The following RUFY4 variants were observed in gnomAD, a reference collection of about 807,000 sequenced individuals.
RUFY4 encodes the protein RUN and FYVE domain-containing protein 4.
A neutral mutation model predicts 69.0 loss-of-function variants in RUFY4; 73 were observed. That is an observed-to-expected ratio of 1.06 (90% CI 0.88 to 1.29). The LOEUF is 1.29. Among genes scored for constraint, RUFY4 ranks in the 50% most tolerant of loss-of-function variants. The pLI is 0.00. For synonymous variants in RUFY4, 287 were observed against 271.8 expected (o/e 1.06, Z -0.55); for missense variants, 770 against 705.6 (o/e 1.09, Z -1.03).
Position 218,072,894 on chromosome 2 carries a change from G to C in RUFY4, c.386+9G>C, listed in dbSNP as rs745905922. 3.0e-5 allele frequency: 45 copies of C among 1,513,040 alleles called. No homozygotes were observed. The East Asian group carries it at 1.1e-3, about 35-fold the overall frequency. The allele number at this position is 1,513,040 out of a possible 1,614,324, so 93.7% of individuals were successfully genotyped here. A position where few individuals can be genotyped will look rare whatever the true frequency, so the allele number is the denominator to read the frequency against. On this transcript the variant is annotated intron_variant, in intron 4 of 10. Coordinates refer to ENST00000344321, the Ensembl canonical transcript of RUFY4. Reference sequence around the variant, plus strand: ...AACTCAGAGCTCACCAGGTGGGGCTGTTGGGACATCCTCCTGCCGATGCCA... The same window carrying C: ...AACTCAGAGCTCACCAGGTGGGGCTCTTGGGACATCCTCCTGCCGATGCCA...
upstream of RUFY4, chr2:218,069,035 C>A (rs909049822): frequency 6.6e-6 from 1 of 152,428 alleles, no homozygotes; most frequent in Non-Finnish European, 1.5e-5. Flanking sequence ...TAGCAGCAGT[C>A]CCAGCTACCA....
At chr2:218,045,797 G>A (rs1574493289) in intron 2 of RUFY4, among the ~76,000 whole-genome samples, 1 of 139,544 alleles carries the variant, frequency 7.2e-6, no homozygotes, top group East Asian at 2.0e-4. Context: ...ATATTTATGG[G>A]GTACATAGTG....
intron 2 of RUFY4, 37 bp from the exon 5 acceptor site, chr2:218,072,337 G>A (rs1399986703): frequency 6.5e-7 from 1 of 1,534,602 alleles, no homozygotes; most frequent in South Asian, 1.2e-5. Context: ...CTGGGAGGAA[G>A]CATTTCTACA....
At chr2:218,061,245 A>T (rs1689183436) in intron 3 of RUFY4, 1 of 368,408 alleles carries the variant, frequency 2.7e-6, no homozygotes, top group Non-Finnish European at 5.5e-6. Context: ...CAGTAGAAAC[A>T]TCAGGGCATA....
chr2:218,075,005 A>G (rs1689588523), intron 6 of RUFY4, 88 bp from the exon 9 acceptor site: 1 of 1,351,420 alleles, frequency 7.4e-7, no homozygotes, highest in Non-Finnish European at 9.9e-7. Context: ...TAGCAAGCTG[A>G]TTAGATTAGC....
At chr2:218,089,443 G>T (rs1214945977) in intron 10 of RUFY4, 81 bp downstream of exon 12, 1 of 1,204,136 alleles carries the variant, frequency 8.3e-7, no homozygotes, top group East Asian at 2.4e-5. Flanking sequence ...CCCAGGGAAG[G>T]GAGGGACACA....
At chr2:218,047,142 A>T (rs10183449) in intron 2 of RUFY4, among the ~76,000 whole-genome samples, 1 of 151,916 alleles carries the variant, frequency 6.6e-6, no homozygotes, top group Admixed American at 6.5e-5. Context: ...AAGTACAAAA[A>T]GTTACCTTGA....
chr2:218,089,477 CACTTACAGCTGACTA>C (rs1689979293), intron 10 of RUFY4, 115 bp downstream of exon 12: 1 of 784,748 alleles, frequency 1.3e-6, no homozygotes, highest in African/African-American at 1.7e-5. Flanking sequence ...TATAAAAGGC[CACTTACAGCTGACTA>C]CTCATTCTAC....
chr2:218,043,165 C>T (rs939960311), intron 2 of RUFY4, among the ~76,000 whole-genome samples: 1 of 152,126 alleles, frequency 6.6e-6, no homozygotes, highest in Admixed American at 6.5e-5. Flanking sequence ...GTCTTCAGCT[C>T]TCAGCAGAGA....
intron 2 of RUFY4, among the ~76,000 whole-genome samples, chr2:218,071,653 A>T (rs1388279828): frequency 6.6e-6 from 1 of 151,954 alleles, no homozygotes; most frequent in African/African-American, 2.4e-5. Context: ...AGCATTTTCC[A>T]TTCTCTTTCC....
upstream of RUFY4, chr2:218,070,285 C>T: frequency 2.7e-6 from 1 of 377,228 alleles, no homozygotes; most frequent in South Asian, 2.6e-5. Flanking sequence ...CCTGTTTCTC[C>T]TGGTCTAAAA....
upstream of RUFY4, chr2:218,069,384 TAGA>T (rs987146659): frequency 7.2e-5 from 11 of 151,966 alleles, no homozygotes; most frequent in Non-Finnish European, 1.0e-4. Flanking sequence ...CTTACGGGGA[TAGA>T]AGGAGTGTGA....
chr2:218,086,234 G>C (rs1689892146), intron 9 of RUFY4, among the ~76,000 whole-genome samples: 1 of 152,186 alleles, frequency 6.6e-6, no homozygotes, highest in South Asian at 2.1e-4. Flanking sequence ...CAGTCTCTGA[G>C]TTCCAATGTC....
intron 8 of RUFY4, among the ~76,000 whole-genome samples, chr2:218,079,352 G>A (rs905744721): frequency 7.9e-5 from 12 of 152,162 alleles, no homozygotes; most frequent in Non-Finnish European, 1.5e-5. Flanking sequence ...TGAGGAATTG[G>A]ATATGCTGTA....
chr2:218,044,770 C>G (rs562083910), intron 2 of RUFY4, among the ~76,000 whole-genome samples: 1 of 152,320 alleles, frequency 6.6e-6, no homozygotes, highest in East Asian at 1.9e-4. Flanking sequence ...AGGACATGAT[C>G]TCATTCTTTT....
At chr2:218,073,165 G>T in intron 4 of RUFY4, 78 bp from the exon 7 acceptor site, 1 of 1,501,228 alleles carries the variant, frequency 6.7e-7, no homozygotes, top group Non-Finnish European at 8.9e-7. Context: ...TTGAGGTTGA[G>T]CTGGGGTGGG....
At position 218,070,685 on chromosome 2, in the gene RUFY4, G is replaced by A. The variant is rs1037107403; in HGVS notation, c.46+34G>A. The A allele has an allele frequency of 2.0e-6, 3 of 1,536,686 alleles. No homozygotes were observed. In the African/African-American group the frequency reaches 4.1e-5, roughly 21 times the overall value. Reference sequence around the variant, plus strand: ...GTCCTGAGAGATGCTCTGGGACTGAGTCATGGGAGAAGTCAGGGTCTGGGA... The same window carrying A: ...GTCCTGAGAGATGCTCTGGGACTGAATCATGGGAGAAGTCAGGGTCTGGGA... On this transcript the variant is annotated intron_variant, in intron 1 of 10. Coordinates refer to ENST00000344321, the Ensembl canonical transcript of RUFY4.
chr2:218,073,740 TG>T, intron 5 of RUFY4, 75 bp from the exon 8 acceptor site: 1 of 1,519,890 alleles, frequency 6.6e-7, no homozygotes, highest in Non-Finnish European at 9.1e-7. Flanking sequence ...AGTGGAAAGA[TG>T]GGATACCCTC....
At chr2:218,051,467 G>T (rs1393237855) in intron 2 of RUFY4, among the ~76,000 whole-genome samples, 1 of 150,182 alleles carries the variant, frequency 6.7e-6, no homozygotes, top group East Asian at 1.9e-4. Context: ...ATATACAAAA[G>T]CTAATTTTTG....
Sources: gnomAD v4.1 joint callset for allele counts (sites outside exome capture counted in the v4.1 genomes callset) on GRCh38, gnomAD v4.1.1 for gene constraint, MANE v1.5 for transcripts, NCBI Gene and HGNC (gene_info 2026-07-23, HGNC 2026-07-21) for gene names.